The following DYM variants were observed in gnomAD, a reference collection of about 807,000 sequenced individuals.
The protein encoded by DYM is dymeclin.
Under a neutral mutation model 93.1 loss-of-function variants are expected in DYM, and 78 were observed. That is an observed-to-expected ratio of 0.84 (90% CI 0.70 to 1.01). The LOEUF is 1.01. DYM is among the 50% of genes least tolerant of loss of function. The pLI is 0.00. For missense variants in DYM, 789 were observed against 845.0 expected (o/e 0.93, Z 0.82); for synonymous variants, 321 against 319.7 (o/e 1.00, Z -0.04).
intron 11 of DYM, among the ~76,000 whole-genome samples, chr18:49,261,344 G>C (rs914093657): frequency 6.6e-6 from 1 of 152,138 alleles, no homozygotes; most frequent in Non-Finnish European, 1.5e-5. Flanking sequence ...ACTACATGGT[G>C]GTTAAATATT....
chr18:49,198,180 G>T (rs1308813897), intron 14 of DYM, among the ~76,000 whole-genome samples: 3 of 152,116 alleles, frequency 2.0e-5, no homozygotes, highest in Non-Finnish European at 4.4e-5. Context: ...CTAGCCATAT[G>T]GAGAAAACTG....
At chr18:49,134,568 C>T (rs1419776879) in intron 15 of DYM, among the ~76,000 whole-genome samples, 1 of 152,130 alleles carries the variant, frequency 6.6e-6, no homozygotes, top group Non-Finnish European at 1.5e-5. Flanking sequence ...GAATCTACCT[C>T]ACAGTTTAAC....
intron 14 of DYM, among the ~76,000 whole-genome samples, chr18:49,192,303 G>C (rs1199935088): frequency 3.9e-5 from 6 of 151,920 alleles, no homozygotes; most frequent in Non-Finnish European, 4.4e-5. Flanking sequence ...GAGTTGTTTT[G>C]AGGATTTAAA....
intron 17 of DYM, among the ~76,000 whole-genome samples, chr18:49,067,791 C>G (rs1280856324): frequency 6.6e-6 from 1 of 152,000 alleles, no homozygotes; most frequent in East Asian, 1.9e-4. Context: ...CACAAATGTG[C>G]ATGAAAGTAG....
intron 2 of DYM, among the ~76,000 whole-genome samples, chr18:49,404,742 G>A (rs2071260615): frequency 1.3e-5 from 2 of 152,100 alleles, no homozygotes; most frequent in South Asian, 2.1e-4. Context: ...ATTCACGGCT[G>A]GGCATGGTGG....
At chr18:49,282,937 T>A (rs928197595) in intron 9 of DYM, among the ~76,000 whole-genome samples, 1 of 152,230 alleles carries the variant, frequency 6.6e-6, no homozygotes, top group Non-Finnish European at 1.5e-5. Flanking sequence ...TTAAATAAAT[T>A]GTGGCTGAAG....
intron 1 of DYM, among the ~76,000 whole-genome samples, chr18:49,442,211 A>G (rs1403709967): frequency 2.0e-5 from 3 of 152,196 alleles, no homozygotes; most frequent in Non-Finnish European, 4.4e-5. Context: ...ACAGTCAAAA[A>G]TGATTAGACT....
At chr18:49,110,835 A>T (rs1270951435) in intron 16 of DYM, among the ~76,000 whole-genome samples, 1 of 152,118 alleles carries the variant, frequency 6.6e-6, no homozygotes, top group Admixed American at 6.5e-5. Context: ...AATTATATGT[A>T]TATTGAATCA....
chr18:49,062,038 G>A (rs1056382485), intron 17 of DYM, among the ~76,000 whole-genome samples: 1 of 152,162 alleles, frequency 6.6e-6, no homozygotes, highest in African/African-American at 2.4e-5. Flanking sequence ...ATGGTGCCTG[G>A]ATGTTCAGTT....
chr18:49,258,422 C>T lies in DYM; in HGVS notation c.1323G>A (p.Leu441=), dbSNP rs978750262. 1.2e-6 allele frequency: 2 copies of T among 1,613,366 alleles called. No individual in the cohort carries two copies. The highest frequency in any genetic ancestry group is 1.7e-6 in the Non-Finnish European group (2 of 1,179,368). The change falls in exon 12 of 18, where the codon CTG becomes CTA. Residue 441 remains leucine, a synonymous_variant. Transcript: ENST00000675505. ...TEISLGSLLI[L]VVIRTIQYNM... ...TGTATTGAATGGTTCTTATTACCACCAGGATCAGGAGACTCCCCAAGGAGA... is the reference window on the plus strand; with the variant it reads ...TGTATTGAATGGTTCTTATTACCACTAGGATCAGGAGACTCCCCAAGGAGA...
intron 6 of DYM, among the ~76,000 whole-genome samples, chr18:49,356,832 C>T (rs1317033244): frequency 2.0e-5 from 3 of 152,130 alleles, no homozygotes; most frequent in African/African-American, 4.8e-5. Flanking sequence ...AATGTTATTA[C>T]ATTTTTAAAA....
At chr18:49,343,129 A>C (rs2064295977) in intron 6 of DYM, among the ~76,000 whole-genome samples, 1 of 152,186 alleles carries the variant, frequency 6.6e-6, no homozygotes. Flanking sequence ...AGCAAGGGAA[A>C]ATTTAAATAC....
intron 8 of DYM, among the ~76,000 whole-genome samples, chr18:49,292,591 GGAAAAAAAAAAAAA>G (rs1568188593): frequency 2.4e-5 from 1 of 40,846 alleles, no homozygotes; most frequent in Admixed American, 4.4e-4. Flanking sequence ...TTTTCCTGTT[GGAAAAAAAAAAAAA>G]AAAAAAAAAA....
chr18:49,352,923 T>A (rs1400597033), intron 6 of DYM, among the ~76,000 whole-genome samples: 1 of 152,144 alleles, frequency 6.6e-6, no homozygotes, highest in African/African-American at 2.4e-5. Context: ...AAATACAATA[T>A]ATCTACTGCA....
chr18:49,430,760 C>T (rs2074737796), intron 1 of DYM, among the ~76,000 whole-genome samples: 1 of 152,026 alleles, frequency 6.6e-6, no homozygotes, highest in Admixed American at 6.6e-5. Context: ...TGGCACGCAC[C>T]CGTAGTCCCA....
chr18:49,094,504 C>T (rs571921145), intron 17 of DYM, among the ~76,000 whole-genome samples: 1 of 152,168 alleles, frequency 6.6e-6, no homozygotes. Context: ...AAAATAATTA[C>T]CTGGTATTGC....
intron 17 of DYM, among the ~76,000 whole-genome samples, chr18:49,080,240 G>A (rs1318015633): frequency 8.4e-6 from 1 of 118,824 alleles, no homozygotes; most frequent in African/African-American, 3.2e-5. Context: ...CGGACGGGGC[G>A]GCTGGCCGGG....
Position 49,425,076 on chromosome 18 carries a change from G to A in DYM, c.140+5179C>T, listed in dbSNP as rs148503331. On this transcript the variant is annotated intron_variant, in intron 2 of 17. Transcript: ENST00000675505. ...TTCATGTAGAATCAAAAAAGAGCCCGCATTGCCAAGTCAATCCTAAGGCAA... is the reference window on the plus strand; with the variant it reads ...TTCATGTAGAATCAAAAAAGAGCCCACATTGCCAAGTCAATCCTAAGGCAA... Among the ~76,000 whole-genome samples the A allele has an allele frequency of 4.3e-4, 65 of 151,996 alleles. 1 individual carries two copies. The highest frequency in any genetic ancestry group is 1.8e-3 in the Admixed American group (28 of 15,232).
intron 6 of DYM, among the ~76,000 whole-genome samples, chr18:49,352,888 T>C (rs991738764): frequency 6.6e-6 from 1 of 152,106 alleles, no homozygotes; most frequent in African/African-American, 2.4e-5. Context: ...GATTTTTTTT[T>C]AAAGCTTTTC....
Sources: gnomAD v4.1 joint callset for allele counts (sites outside exome capture counted in the v4.1 genomes callset) on GRCh38, gnomAD v4.1.1 for gene constraint, MANE v1.5 for transcripts, NCBI Gene and HGNC (gene_info 2026-07-23, HGNC 2026-07-21) for gene names.